The following TRAF7 variants were observed in gnomAD, a reference collection of about 807,000 sequenced individuals.
TRAF7 encodes the protein E3 ubiquitin-protein ligase TRAF7.
TRAF7 carries 45 observed loss-of-function variants against 89.3 expected under a neutral mutation model. The ratio of observed to expected loss-of-function variants is 0.50; its 90% CI spans 0.40 to 0.65. TRAF7 has a LOEUF of 0.65. Ranked by LOEUF, TRAF7 falls within the 30% of genes least tolerant of loss-of-function variation. The pLI is 0.00. For synonymous variants in TRAF7, 406 were observed against 369.2 expected (o/e 1.10, Z -1.14); for missense variants, 677 against 918.1 (o/e 0.74, Z 3.39).
chr16:2,176,435 G>A lies in TRAF7; in HGVS notation c.1998+51G>A, dbSNP rs147514848. 1.2e-3 allele frequency: 2,013 copies of A among 1,612,292 alleles called. 25 individuals carry two copies. In the African/African-American group the frequency reaches 0.022, roughly 18 times the overall value. ...CAAAGGGGCTGCACAGGATGGAGCG[G>A]GGGTGGGGACGAGGAGCTGGCAGCC... On this transcript the variant is annotated intron_variant, in intron 20 of 20. Coordinates refer to ENST00000326181, the MANE Select transcript of TRAF7 (RefSeq NM_032271.3).
intron 8 of TRAF7, 23 bp from the exon 9 acceptor site, chr16:2,172,442 C>T: frequency 6.2e-7 from 1 of 1,610,446 alleles, no homozygotes; most frequent in Non-Finnish European, 8.5e-7. Context: ...GCTGAGGCCT[C>T]CCCGCATCCC....
Position 2,176,703 on chromosome 16 carries a change from G to C in TRAF7, c.*129G>C. On this transcript the variant is annotated 3_prime_UTR_variant, in exon 21 of 21. Transcript: ENST00000326181. ...CATAGGTGGACAGGCTCTGGCAGCC[G>C]GGCAGTGCCCTCCCCGTCCCATGCT... The C allele has an allele frequency of 7.3e-7, 1 of 1,378,270 alleles. No homozygotes were observed. The highest frequency in any genetic ancestry group is 1.0e-6 in the Non-Finnish European group (1 of 985,602). The allele number at this position is 1,378,270 out of a possible 1,614,324, so 85.4% of individuals were successfully genotyped here.
At chr16:2,171,773 G>C (rs896769436) in intron 7 of TRAF7, among the ~76,000 whole-genome samples, 168 bp downstream of exon 7, 1 of 152,194 alleles carries the variant, frequency 6.6e-6, no homozygotes, top group Admixed American at 6.5e-5. Context: ...TGAGGCTCGG[G>C]ACCTCCATGA....
In TRAF7 at chr16:2,162,147, T is replaced by C. The variant is rs1310347759; in HGVS notation, c.-38-1736T>C. On this transcript the variant is annotated intron_variant, in intron 1 of 20. Coordinates refer to ENST00000326181, the MANE Select transcript of TRAF7 (RefSeq NM_032271.3). This position sits in a 1 kb window ranked among gnomAD's most constrained non-coding sequence, Gnocchi z 5.0. ...GCGCTGCCAACTGCAGGGGCTGAGA[T>C]GTCGGGTTGAGCCCGAGTCCTGAAG... Among the ~76,000 whole-genome samples, 5 of 152,208 alleles carry C rather than the reference T, an allele frequency of 3.3e-5. No homozygotes were observed. Among genetic ancestry groups the C allele is most frequent in the Non-Finnish European group, 5.9e-5 (4 of 68,024 alleles).
chr16:2,171,982 A>C (rs544515698), intron 7 of TRAF7, among the ~76,000 whole-genome samples: 1 of 151,688 alleles, frequency 6.6e-6, no homozygotes, highest in African/African-American at 2.4e-5. Context: ...CCCACCCCAC[A>C]CTTTTCCGGG....
In TRAF7 at chr16:2,168,227, G is replaced by T. The variant is rs1005798816; in HGVS notation, c.231+59G>T. On this transcript the variant is annotated intron_variant, in intron 4 of 20. Transcript: ENST00000326181. This position sits in a 1 kb window ranked among gnomAD's most constrained non-coding sequence, Gnocchi z 4.1. ...TCAGCCTCCCCCCATCCTCCCTCCT[G>T]GGGGAACCAGGTCCCAGGAGGAGTT... The T allele has an allele frequency of 2.9e-5, 42 of 1,446,128 alleles. No individual in the cohort carries two copies. The highest frequency in any genetic ancestry group is 3.7e-5 in the Non-Finnish European group (39 of 1,058,014). 89.6% of individuals were successfully genotyped at this position (1,446,128 alleles called of 1,614,324 possible).
chr16:2,173,859 T>TCTC, intron 12 of TRAF7, 23 bp downstream of exon 12: 3 of 1,246,256 alleles, frequency 2.4e-6, no homozygotes, highest in Non-Finnish European at 2.2e-6. Flanking sequence ...CCGCCGTGGC[T>TCTC]CCCGCCCACC....
chr16:2,160,548 G>C (rs1358566255), intron 1 of TRAF7, among the ~76,000 whole-genome samples: 18 of 130,448 alleles, frequency 1.4e-4, no homozygotes, highest in African/African-American at 5.9e-4. Context: ...AGGCGGTGTG[G>C]ATGGGCGGGC....
In TRAF7 at chr16:2,172,669, C is replaced by A; in HGVS notation, c.794+70C>A. ...CTCCACAGGCTCCGCTGAGAGCTGC[C>A]CGCTTGCTGGTCCCGGGGAGGTAGG... is the stretch of plus-strand genomic sequence containing the variant. On this transcript the variant is annotated intron_variant, in intron 9 of 20. Transcript: ENST00000326181. 10 of 1,489,698 alleles carry A rather than the reference C, an allele frequency of 6.7e-6. No homozygotes were observed. The South Asian group carries it at 1.3e-4, about 19-fold the overall frequency. The allele number at this position is 1,489,698 out of a possible 1,614,324, so 92.3% of individuals were successfully genotyped here.
At chr16:2,171,644 G>A in intron 7 of TRAF7, 39 bp downstream of exon 7, 1 of 1,612,822 alleles carries the variant, frequency 6.2e-7, no homozygotes, top group Non-Finnish European at 8.5e-7. Context: ...CGCCGACCGT[G>A]CCCATGGCTG....
At chr16:2,174,090 T>G in intron 13 of TRAF7, 42 bp downstream of exon 13, 1 of 1,609,290 alleles carries the variant, frequency 6.2e-7, no homozygotes, top group Non-Finnish European at 8.5e-7. Context: ...CTGGCTGGGC[T>G]GGGCACTGCC....
intron 2 of TRAF7, among the ~76,000 whole-genome samples, chr16:2,164,915 G>A (rs1422420663): frequency 2.1e-5 from 1 of 46,640 alleles, no homozygotes; most frequent in Non-Finnish European, 3.9e-5. Context: ...TTAGTGCTGC[G>A]TGGCCTGGCC....
Position 2,165,887 on chromosome 16 carries a change from G to T in TRAF7, c.90G>T (p.Met30Ile). The T allele has an allele frequency of 6.2e-7, 1 of 1,614,112 alleles. No individual in the cohort carries two copies. The highest frequency in any genetic ancestry group is 1.1e-5 in the South Asian group (1 of 91,090). ...CTCCGTCCTCCCTCTAGACCAGAAT[G>T]GAAACGACCTTCGGACCCGCCTTTT... ...PTPDVTTGTRMETTFGPAFSA... is the reference protein window; with the variant it reads ...PTPDVTTGTRIETTFGPAFSA... Residue 30 changes from methionine to isoleucine, a missense_variant, in exon 3 of 21, where the codon ATG (methionine) becomes ATT (isoleucine). Met to Ile is a conservative substitution (Grantham distance 10). Coordinates refer to ENST00000326181, the MANE Select transcript of TRAF7 (RefSeq NM_032271.3).
At chr16:2,156,477 G>A (rs2093035113) in intron 1 of TRAF7, among the ~76,000 whole-genome samples, 1 of 152,204 alleles carries the variant, frequency 6.6e-6, no homozygotes, top group Non-Finnish European at 1.5e-5. Context: ...GGGAGCAGCG[G>A]TATGTGCTGT....
At chr16:2,173,638 C>A in intron 11 of TRAF7, 84 bp downstream of exon 11, 1 of 1,583,644 alleles carries the variant, frequency 6.3e-7, no homozygotes, top group South Asian at 1.1e-5. Flanking sequence ...CTGGCCTTGC[C>A]TACACTAGTC....
At chr16:2,174,842 T>G (rs2093128885) in intron 14 of TRAF7, among the ~76,000 whole-genome samples, 1 of 152,214 alleles carries the variant, frequency 6.6e-6, no homozygotes, top group African/African-American at 2.4e-5. Context: ...CAGCCGGCCC[T>G]GGGACTGACT....
Position 2,163,784 on chromosome 16 carries a change from C to T in TRAF7, c.-38-99C>T, listed in dbSNP as rs889462965. 55 of 791,334 alleles carry T rather than the reference C, an allele frequency of 7.0e-5. No individual in the cohort carries two copies. The Middle Eastern group carries it at 8.9e-4, about 13-fold the overall frequency. 49.0% of individuals were successfully genotyped at this position (791,334 alleles called of 1,614,324 possible). A position where few individuals can be genotyped will look rare whatever the true frequency, so the allele number is the denominator to read the frequency against. ...GTGGAAGGCTGCTGCGGCGGCCCCA[C>T]GGTGCCCCACAGCAGGTCTGCACAC... On this transcript the variant is annotated intron_variant, in intron 1 of 20. Coordinates refer to ENST00000326181, the MANE Select transcript of TRAF7 (RefSeq NM_032271.3). The surrounding 1 kb of genome is among the most constrained non-coding windows in gnomAD (Gnocchi z 4.3).
In TRAF7 at chr16:2,171,322, G is replaced by T. The variant is rs1337403012; in HGVS notation, c.407G>T (p.Ser136Ile). ...SVKLCCQLCC[S>I]VFKDPVITTC... ...AAGCTGTGCTGTCAGCTCTGCTGCA[G>T]CGTCTTCAAAGACCCCGTGATCACC... The change falls in exon 6 of 21, where the codon AGC (serine) becomes ATC (isoleucine). Residue 136 changes from serine (S) to isoleucine (I), a missense_variant. Around this residue, in one of 6 missense-constraint regions of TRAF7, gnomAD observed 240 missense variants for 191.9 expected, o/e 1.25. Coordinates refer to ENST00000326181, the MANE Select transcript of TRAF7 (RefSeq NM_032271.3). 1 of 1,555,490 alleles carries T rather than the reference G, an allele frequency of 6.4e-7. No homozygotes were observed. Among genetic ancestry groups the T allele is most frequent in the Non-Finnish European group, 8.7e-7 (1 of 1,149,916 alleles).
chr16:2,159,838 C>T lies in TRAF7; in HGVS notation c.-39+3980C>T, dbSNP rs2093050260. ...GAGCTGCTTTAAGGCCGGGCCTGGC[C>T]CGAGCAGGGAGCTGCATCTGGAAGC... On this transcript the variant is annotated intron_variant, in intron 1 of 20. Transcript: ENST00000326181. The surrounding 1 kb of genome is among the most constrained non-coding windows in gnomAD (Gnocchi z 6.5). Among the ~76,000 whole-genome samples, 1 of 152,240 alleles carries T rather than the reference C, an allele frequency of 6.6e-6. No homozygotes were observed. The highest frequency in any genetic ancestry group is 2.4e-5 in the African/African-American group (1 of 41,466).
Sources: allele counts gnomAD v4.1 joint callset (sites outside exome capture counted in the v4.1 genomes callset), GRCh38; gene constraint gnomAD v4.1.1; regional missense constraint gnomAD v4.1.1; non-coding constraint Gnocchi (gnomAD v3.1); transcripts MANE v1.5; gene names NCBI Gene and HGNC (gene_info 2026-07-23, HGNC 2026-07-21).